PLEKHA7: variants seen among roughly 807,000 people sequenced by gnomAD.
PLEKHA7 encodes the protein pleckstrin homology domain containing A7, also known as pleckstrin homology domain-containing family A member 7.
A neutral mutation model predicts 170.0 loss-of-function variants in PLEKHA7; 104 were observed. The ratio of observed to expected loss-of-function variants is 0.61; its 90% CI spans 0.52 to 0.72. PLEKHA7 has a LOEUF of 0.72. PLEKHA7 is among the 30% of genes least tolerant of loss of function. The probability of loss-of-function intolerance (pLI) is 0.00; values close to 1 mark genes in which losing one functional copy is unlikely to be tolerated. For missense variants in PLEKHA7, 1,615 were observed against 1,671.7 expected (o/e 0.97, Z 0.59); for synonymous variants, 648 against 660.8 (o/e 0.98, Z 0.30).
At chr11:16,946,757 C>T (rs531279079) in intron 3 of PLEKHA7, among the ~76,000 whole-genome samples, 1 of 152,208 alleles carries the variant, frequency 6.6e-6, no homozygotes, top group East Asian at 1.9e-4. Flanking sequence ...AATGAGCTTT[C>T]TGTTAGACTC....
At chr11:16,780,976 G>T (rs921731125) in intron 26 of PLEKHA7, 12 of 985,910 alleles carry the variant, frequency 1.2e-5, no homozygotes, top group Middle Eastern at 5.1e-4. Context: ...AGTGGAGTCC[G>T]TTGGTAAAAG....
intron 3 of PLEKHA7, among the ~76,000 whole-genome samples, chr11:16,952,384 G>C (rs1053264568): frequency 2.0e-5 from 3 of 152,158 alleles, no homozygotes; most frequent in Non-Finnish European, 4.4e-5. Context: ...AAGGAGGGCA[G>C]AAAAGCAAAA....
intron 3 of PLEKHA7, among the ~76,000 whole-genome samples, chr11:16,960,748 C>A (rs1443320542): frequency 6.6e-6 from 1 of 152,180 alleles, no homozygotes; most frequent in African/African-American, 2.4e-5. Flanking sequence ...ACAACAACGA[C>A]TGTGTAACAG....
rs188627312 is a variant in PLEKHA7 at position 16,991,322 on chromosome 11, G to A, written c.221+22667C>T. On this transcript the variant is annotated intron_variant, in intron 3 of 26. Transcript: ENST00000531066. ...CCAACCACTATTCTAGGCACTAGAA[G>A]TACAGCCTTGAACAAGACAGGCTCG... Among the ~76,000 whole-genome samples the A allele has an allele frequency of 1.5e-3, 234 of 152,312 alleles. 3 individuals are homozygous for A. The highest frequency in any genetic ancestry group is 0.013 in the Admixed American group (197 of 15,300).
intron 3 of PLEKHA7, among the ~76,000 whole-genome samples, chr11:16,997,313 G>A (rs910596583): frequency 1.3e-5 from 2 of 152,140 alleles, no homozygotes; most frequent in Non-Finnish European, 2.9e-5. Context: ...AATGACCCCA[G>A]AGTCTTCAGG....
intron 3 of PLEKHA7, among the ~76,000 whole-genome samples, chr11:16,917,037 A>G (rs1316205489): frequency 6.6e-6 from 1 of 152,040 alleles, no homozygotes; most frequent in Non-Finnish European, 1.5e-5. Context: ...TGGCCAACAC[A>G]GTGAAACCCT....
At chr11:16,921,205 G>C in intron 3 of PLEKHA7, among the ~76,000 whole-genome samples, 1 of 152,182 alleles carries the variant, frequency 6.6e-6, no homozygotes, top group Non-Finnish European at 1.5e-5. Flanking sequence ...TACCAGATGC[G>C]TCAGAAAGAA....
chr11:16,820,191 T>C (rs1442429567), intron 10 of PLEKHA7, among the ~76,000 whole-genome samples: 1 of 152,232 alleles, frequency 6.6e-6, no homozygotes, highest in African/African-American at 2.4e-5. Flanking sequence ...GAGATTCTAG[T>C]GCTCTGTAAG....
At chr11:16,941,154 G>A (rs543002644) in intron 3 of PLEKHA7, among the ~76,000 whole-genome samples, 2 of 152,232 alleles carry the variant, frequency 1.3e-5, no homozygotes, top group East Asian at 3.9e-4. Context: ...GTCACTCTTT[G>A]CTCTTCAAAA....
At chr11:16,963,439 C>T (rs564438209) in intron 3 of PLEKHA7, among the ~76,000 whole-genome samples, 62 of 152,204 alleles carry the variant, frequency 4.1e-4, no homozygotes, top group African/African-American at 1.5e-3. Context: ...TCTTGCCCTA[C>T]TTCATGATTC....
intron 26 of PLEKHA7, 121 bp downstream of exon 26, chr11:16,782,633 C>T (rs754109337): frequency 1.5e-6 from 2 of 1,291,564 alleles, no homozygotes; most frequent in Non-Finnish European, 2.1e-6. Flanking sequence ...ACACCACTGA[C>T]CCTCAACTAC....
At chr11:16,964,876 G>T (rs1341038975) in intron 3 of PLEKHA7, among the ~76,000 whole-genome samples, 1 of 152,064 alleles carries the variant, frequency 6.6e-6, no homozygotes, top group Non-Finnish European at 1.5e-5. Context: ...ACCTATTCAG[G>T]TTTATTTTTA....
chr11:16,881,096 A>G (rs1467956411), intron 3 of PLEKHA7, among the ~76,000 whole-genome samples: 1 of 152,178 alleles, frequency 6.6e-6, no homozygotes, highest in Non-Finnish European at 1.5e-5. Context: ...TTTATGCCCA[A>G]TTACATTGGA....
intron 7 of PLEKHA7, 150 bp from the exon 8 acceptor site, chr11:16,851,441 TC>T: frequency 2.1e-6 from 1 of 466,716 alleles, no homozygotes; most frequent in Non-Finnish European, 3.8e-6. Context: ...CTCTACCCAT[TC>T]TTTTTATTTA....
At chr11:16,849,967 T>C (rs1374021462) in intron 8 of PLEKHA7, among the ~76,000 whole-genome samples, 5 of 151,918 alleles carry the variant, frequency 3.3e-5, no homozygotes, top group African/African-American at 1.2e-4. Flanking sequence ...GAAGGAAAGG[T>C]AGAAGGAAGA....
Position 16,849,398 on chromosome 11 carries a change from CT to C in PLEKHA7, c.696+1792del, listed in dbSNP as rs200138334. 7.9e-3 allele frequency among the ~76,000 whole-genome samples: 1,208 copies of C among 152,316 alleles called. 18 individuals carry two copies. The highest frequency in any genetic ancestry group is 0.027 in the African/African-American group (1,115 of 41,550). On this transcript the variant is annotated intron_variant, in intron 8 of 26. Transcript: ENST00000531066. Reference sequence around the variant, plus strand: ...GTTTGCCCAACTGGGCAGTGCTCAACTCTAGAAAAGAGGGTTTCCTAAGGAA... The same window carrying C: ...GTTTGCCCAACTGGGCAGTGCTCAACCTAGAAAAGAGGGTTTCCTAAGGAA...
chr11:16,844,595 C>T lies in PLEKHA7; in HGVS notation c.697-2873G>A, dbSNP rs139289076. On this transcript the variant is annotated intron_variant, in intron 8 of 26. Transcript: ENST00000531066. ...CTCTTTGCTTTCCAGTTAACATAAT[C>T]CTATGAAGCAACTTTGCATAACTGA... Among the ~76,000 whole-genome samples, 138 of 152,302 alleles carry T rather than the reference C, an allele frequency of 9.1e-4. 1 individual carries two copies. Among genetic ancestry groups the T allele is most frequent in the African/African-American group, 3.0e-3 (126 of 41,570 alleles).
chr11:16,993,552 T>C (rs1217441537), intron 3 of PLEKHA7, among the ~76,000 whole-genome samples: 11 of 152,088 alleles, frequency 7.2e-5, no homozygotes, highest in Non-Finnish European at 1.5e-4. Flanking sequence ...GTTACGTGAG[T>C]ATAGAAATGA....
intron 9 of PLEKHA7, among the ~76,000 whole-genome samples, chr11:16,834,538 A>T (rs1851361542): frequency 6.6e-6 from 1 of 152,222 alleles, no homozygotes; most frequent in South Asian, 2.1e-4. Context: ...GTCCCAAGAC[A>T]GGACTGCAGC....
Sources: gnomAD v4.1 joint callset for allele counts (sites outside exome capture counted in the v4.1 genomes callset) on GRCh38, gnomAD v4.1.1 for gene constraint, MANE v1.5 for transcripts, NCBI Gene and HGNC (gene_info 2026-07-23, HGNC 2026-07-21) for gene names.